Variants in AFF2 observed in about 807,000 individuals in gnomAD.
The protein encoded by AFF2 is AF4/FMR2 family member 2.
In AFF2, 14 loss-of-function variants were observed where a neutral mutation model predicts 76.9. That is an observed-to-expected ratio of 0.18 (90% CI 0.12 to 0.28). The LOEUF is 0.28. Among genes scored for constraint, AFF2 ranks in the 10% least tolerant of loss-of-function variants. The pLI is 1.00. For missense variants in AFF2, 868 were observed against 1,001.1 expected (o/e 0.87, Z 1.79); for synonymous variants, 398 against 366.7 (o/e 1.09, Z -0.98).
At chrX:148,838,569 G>C (rs1219534417) in intron 5 of AFF2, among the ~76,000 whole-genome samples, 1 of 111,895 alleles carries the variant, frequency 8.9e-6, no homozygotes, top group Non-Finnish European at 1.9e-5. Context: ...ACTCTGACAG[G>C]TGAAGAAGGG....
At chrX:148,562,342 C>T (rs2053123108) in intron 1 of AFF2, among the ~76,000 whole-genome samples, 1 of 111,801 alleles carries the variant, frequency 8.9e-6, no homozygotes, top group Non-Finnish European at 1.9e-5. Context: ...AGAATATAAA[C>T]CATGGAAAGA....
chrX:148,817,129 G>A (rs2070275715), intron 4 of AFF2, among the ~76,000 whole-genome samples: 1 of 111,050 alleles, frequency 9.0e-6, no homozygotes, highest in African/African-American at 3.3e-5. Context: ...AGATAAATCA[G>A]GAGGTGTGAA....
intron 4 of AFF2, among the ~76,000 whole-genome samples, chrX:148,821,836 A>G (rs2070331446): frequency 9.0e-6 from 1 of 111,437 alleles, no homozygotes; most frequent in Non-Finnish European, 1.9e-5. Flanking sequence ...TCTTTGGCCA[A>G]TTCCAGAAGG....
chrX:148,830,776 C>T lies in AFF2; in HGVS notation c.1087-6871C>T, dbSNP rs150071619. Among the ~76,000 whole-genome samples, 1,095 of 111,587 alleles carry T rather than the reference C, an allele frequency of 9.8e-3. 9 individuals are homozygous for T. Among genetic ancestry groups the T allele is most frequent in the African/African-American group, 0.031 (949 of 30,684 alleles). Reference sequence around the variant, plus strand: ...TGAAATTAAAATTACTATGAAGTTTCGGGCATGCATTGTCATTGATAACAT... The same window carrying T: ...TGAAATTAAAATTACTATGAAGTTTTGGGCATGCATTGTCATTGATAACAT... On this transcript the variant is annotated intron_variant, in intron 4 of 20. Transcript: ENST00000370460.
chrX:148,592,760 C>G (rs1445848754), intron 1 of AFF2, among the ~76,000 whole-genome samples: 1 of 111,615 alleles, frequency 9.0e-6, no homozygotes, highest in Non-Finnish European at 1.9e-5. Context: ...GGGGTTAGGC[C>G]CTGAGGCACG....
intron 7 of AFF2, among the ~76,000 whole-genome samples, chrX:148,853,448 A>G (rs186581677): frequency 9.0e-6 from 1 of 111,447 alleles, no homozygotes; most frequent in African/African-American, 3.3e-5. Flanking sequence ...GTTTCTTCAT[A>G]TAATAAAACA....
At chrX:148,548,957 ACT>A (rs1172524774) in intron 1 of AFF2, among the ~76,000 whole-genome samples, 6 of 112,295 alleles carry the variant, frequency 5.3e-5, no homozygotes, top group Admixed American at 2.8e-4. Flanking sequence ...CATGAAAATA[ACT>A]CTGCATTGCT....
intron 1 of AFF2, among the ~76,000 whole-genome samples, chrX:148,505,981 G>A (rs1211264591): frequency 9.0e-6 from 1 of 111,049 alleles, no homozygotes; most frequent in Non-Finnish European, 1.9e-5. Context: ...GTGTGTGTGT[G>A]TGTGTTACCT....
intron 1 of AFF2, among the ~76,000 whole-genome samples, chrX:148,578,024 C>T (rs781796645): frequency 2.7e-5 from 3 of 112,567 alleles, no homozygotes; most frequent in African/African-American, 9.7e-5. Context: ...CAGCAAATCC[C>T]CAAATTCTTT....
At chrX:148,582,840 C>A (rs2053428424) in intron 1 of AFF2, among the ~76,000 whole-genome samples, 1 of 111,933 alleles carries the variant, frequency 8.9e-6, no homozygotes, top group Non-Finnish European at 1.9e-5. Context: ...AAAAACATCC[C>A]AAATGTCTAT....
intron 16 of AFF2, 33 bp from the exon 17 acceptor site, chrX:148,977,900 G>A: frequency 9.3e-7 from 1 of 1,072,842 alleles, no homozygotes; most frequent in Non-Finnish European, 1.3e-6. Context: ...GGGTAATACA[G>A]ATTCCACTTT....
intron 3 of AFF2, among the ~76,000 whole-genome samples, chrX:148,669,845 A>G (rs2054403056): frequency 9.0e-6 from 1 of 111,422 alleles, no homozygotes; most frequent in Non-Finnish European, 1.9e-5. Context: ...CTATTTCCAA[A>G]CCCATCAAAA....
intron 3 of AFF2, among the ~76,000 whole-genome samples, chrX:148,764,570 G>C (rs782151594): frequency 1.8e-5 from 2 of 112,206 alleles, no homozygotes; most frequent in African/African-American, 3.2e-5. Flanking sequence ...TGTTGGCTTT[G>C]TTTTATTTCT....
intron 4 of AFF2, among the ~76,000 whole-genome samples, chrX:148,828,598 G>A (rs141037966): frequency 0.011 from 1,253 of 112,156 alleles, 16 homozygotes; most frequent in African/African-American, 0.039. Flanking sequence ...TGGATGGGCC[G>A]TGGCCTGAGG....
At chrX:148,650,405 C>G (rs56178123) in intron 1 of AFF2, among the ~76,000 whole-genome samples, 20,311 of 110,864 alleles carry the variant, frequency 0.18, 1,398 homozygotes, top group Non-Finnish European at 0.21. Flanking sequence ...CTTCCTTGAC[C>G]AGGCAAGGCC....
chrX:148,552,562 C>A (rs1425547658), intron 1 of AFF2, among the ~76,000 whole-genome samples: 5 of 112,194 alleles, frequency 4.5e-5, no homozygotes, highest in African/African-American at 1.6e-4. Context: ...CCTTGCCAGG[C>A]AAGCATAGCA....
At position 148,551,820 on chromosome X, in the gene AFF2, A is replaced by G. The variant is rs782486854; in HGVS notation, c.47+50676A>G. ...TTGTATACCTGGGGAGTTGAGCCAC[A>G]CCAGATAGTTTATGCTAACAATGTG... On this transcript the variant is annotated intron_variant, in intron 1 of 20. Coordinates refer to ENST00000370460, the MANE Select transcript of AFF2 (RefSeq NM_002025.4). Among the ~76,000 whole-genome samples, 4 of 111,897 alleles carry G rather than the reference A, an allele frequency of 3.6e-5. No homozygotes were observed. The South Asian group carries it at 1.5e-3, about 42-fold the overall frequency.
chrX:148,952,143 G>A (rs1421842003), intron 9 of AFF2, among the ~76,000 whole-genome samples: 1 of 111,536 alleles, frequency 9.0e-6, no homozygotes, highest in Admixed American at 9.5e-5. Flanking sequence ...CCAGCTCAGT[G>A]AGTGAGAGTT....
At chrX:148,890,691 T>A (rs2071212933) in intron 8 of AFF2, among the ~76,000 whole-genome samples, 1 of 112,089 alleles carries the variant, frequency 8.9e-6, no homozygotes, top group Non-Finnish European at 1.9e-5. Context: ...GAGTTTTTCT[T>A]CCAAGGATTG....
Sources: allele counts gnomAD v4.1 joint callset (sites outside exome capture counted in the v4.1 genomes callset), GRCh38; gene constraint gnomAD v4.1.1; transcripts MANE v1.5; gene names NCBI Gene and HGNC (gene_info 2026-07-23, HGNC 2026-07-21).